The following C1QBP variants were observed in gnomAD, a reference collection of about 807,000 sequenced individuals.
The protein encoded by C1QBP is complement component 1 Q subcomponent-binding protein, mitochondrial.
A neutral mutation model predicts 29.4 loss-of-function variants in C1QBP; 24 were observed. That is an observed-to-expected ratio of 0.82 (90% CI 0.59 to 1.15). The LOEUF is 1.15. Ranked by LOEUF, C1QBP falls within the 50% of genes most tolerant of loss-of-function variation. The pLI, the probability that C1QBP is intolerant of heterozygous loss-of-function variation, is 0.00. For synonymous variants in C1QBP, 182 were observed against 149.2 expected (o/e 1.22, Z -1.60); for missense variants, 337 against 355.8 (o/e 0.95, Z 0.43).
rs147800985 is a variant in C1QBP at position 5,433,727 on chromosome 17, A to T, written c.518T>A (p.Ile173Lys). The change falls in exon 4 of 6, where the codon ATA (isoleucine) becomes AAA (lysine). Residue 173 changes from isoleucine to lysine, a missense_variant. Transcript: ENST00000225698. ...GGCCTTCTTGCCATCATCATTCTTT[A>T]TAACTTCAACCACGAAATTGGGAGT... Reference protein sequence around the residue: ...TSTPNFVVEVIKNDDGKKALV... With the variant: ...TSTPNFVVEVKKNDDGKKALV... 2.5e-4 allele frequency: 407 copies of T among 1,614,104 alleles called. 1 individual carries two copies. The highest frequency in any genetic ancestry group is 5.0e-5 in the Admixed American group (3 of 60,008).
In C1QBP at chr17:5,439,054, C is replaced by T. The variant is rs1218176517; in HGVS notation, c.20G>A (p.Cys7Tyr). 19 of 1,532,620 alleles carry T rather than the reference C, an allele frequency of 1.2e-5. No individual in the cohort carries two copies. The highest frequency in any genetic ancestry group is 1.7e-5 in the Non-Finnish European group (19 of 1,140,160). The allele number at this position is 1,532,620 out of a possible 1,614,324, so 94.9% of individuals were successfully genotyped here. ...GGAGGAGCCCAGCACACGGGGCACGCAGCGCAGCAGAGGCAGCATCGCGGA... is the reference window on the plus strand; with the variant it reads ...GGAGGAGCCCAGCACACGGGGCACGTAGCGCAGCAGAGGCAGCATCGCGGA... MLPLLR[C>Y]VPRVLGSSVA... Residue 7 changes from cysteine to tyrosine, a missense_variant, in exon 1 of 6, where the codon TGC becomes TAC. By Grantham distance (194) the Cys-to-Tyr change is radical. Coordinates refer to ENST00000225698, the MANE Select transcript of C1QBP (RefSeq NM_001212.4).
chr17:5,439,126 CGCCCCGCGACCTGAGGCGCCGCCGGAA>C lies in C1QBP; in HGVS notation c.-80_-54del. ...ATGCAAAGGACAACCCAGGCCTAGG[CGCCCCGCGACCTGAGGCGCCGCCGGAA>C]GCCCCGCCCCTGCCCGGAAGCGCTT... On this transcript the variant is annotated 5_prime_UTR_variant, in exon 1 of 6. Coordinates refer to ENST00000225698, the MANE Select transcript of C1QBP (RefSeq NM_001212.4). 2.0e-6 allele frequency: 3 copies of C among 1,532,880 alleles called. No homozygotes were observed. In the South Asian group the frequency reaches 3.6e-5, roughly 18 times the overall value. The allele number at this position is 1,532,880 out of a possible 1,614,324, so 95.0% of individuals were successfully genotyped here.
At chr17:5,437,777 C>A (rs952369765) in intron 2 of C1QBP, among the ~76,000 whole-genome samples, 1 of 152,168 alleles carries the variant, frequency 6.6e-6, no homozygotes, top group Non-Finnish European at 1.5e-5. Flanking sequence ...ACAGTGTAAC[C>A]CCATCCTGTT....
intron 3 of C1QBP, chr17:5,433,984 T>C (rs995884350): frequency 1.7e-6 from 1 of 587,138 alleles, no homozygotes; most frequent in Non-Finnish European, 3.0e-6. Flanking sequence ...AGTTAAGAAA[T>C]GTGGATACCA....
chr17:5,437,304 A>G (rs1386976685), intron 2 of C1QBP, among the ~76,000 whole-genome samples: 2 of 152,228 alleles, frequency 1.3e-5, no homozygotes. Flanking sequence ...AAAATTACAT[A>G]CACATCATAA....
chr17:5,438,163 C>G lies in C1QBP; in HGVS notation c.343G>C (p.Gly115Arg). 6.2e-7 allele frequency: 1 copy of G among 1,613,110 alleles called. No homozygotes were observed. The highest frequency in any genetic ancestry group is 1.1e-5 in the South Asian group (1 of 91,048). ...TTCCGCACTAATTTCGCTTCTGTCC[C>G]ATTCAGTTCCAGCTCCCAACCTCCA... ...MSGGWELELN[G>R]TEAKLVRKVA... Residue 115 changes from glycine (G) to arginine (R), a missense_variant, in exon 2 of 6, where the codon GGG becomes CGG. Gly to Arg is a moderately radical substitution (Grantham distance 125, BLOSUM62 -2). Coordinates refer to ENST00000225698, the MANE Select transcript of C1QBP (RefSeq NM_001212.4).
chr17:5,434,131 A>C (rs1347890456), intron 3 of C1QBP: 4 of 227,602 alleles, frequency 1.8e-5, no homozygotes, highest in Non-Finnish European at 3.5e-5. Flanking sequence ...GAGTCTTCAT[A>C]AGGGACCAGG....
intron 3 of C1QBP, 119 bp from the exon 4 acceptor site, chr17:5,433,886 A>C: frequency 1.1e-6 from 1 of 877,444 alleles, no homozygotes; most frequent in East Asian, 2.4e-5. Context: ...AGCCATTTGA[A>C]TAGTCTTATG....
At chr17:5,438,426 AC>A in intron 1 of C1QBP, 153 bp from the exon 2 acceptor site, 1 of 1,006,600 alleles carries the variant, frequency 9.9e-7, no homozygotes, top group African/African-American at 1.6e-5. Context: ...CGGTAAAAAT[AC>A]CATAATAGTA....
intron 3 of C1QBP, chr17:5,434,056 C>T (rs527304295): frequency 2.3e-6 from 1 of 435,736 alleles, no homozygotes; most frequent in East Asian, 4.9e-5. Flanking sequence ...AAGCCTTTTC[C>T]TCCACCCGTA....
chr17:5,437,664 G>C (rs1489059203), intron 2 of C1QBP, among the ~76,000 whole-genome samples: 2 of 152,004 alleles, frequency 1.3e-5, no homozygotes, highest in African/African-American at 4.8e-5. Flanking sequence ...TGAGATTATG[G>C]ATGACTATAA....
At chr17:5,438,632 G>T in intron 1 of C1QBP, 2 of 1,016,682 alleles carry the variant, frequency 2.0e-6, no homozygotes, top group Non-Finnish European at 2.8e-6. Context: ...AGGTACCCTA[G>T]TATTTAATTT....
At chr17:5,434,778 T>C (rs909158077) in intron 3 of C1QBP, 95 bp downstream of exon 3, 1 of 1,175,436 alleles carries the variant, frequency 8.5e-7, no homozygotes, top group African/African-American at 1.5e-5. Flanking sequence ...GAGGAATTTT[T>C]TTTTTTTGAA....
intron 2 of C1QBP, 26 bp from the exon 3 acceptor site, chr17:5,434,992 AGGC>A (rs1916232782): frequency 1.1e-6 from 1 of 912,088 alleles, no homozygotes; most frequent in African/African-American, 1.7e-5. Context: ...AAAACAGACA[AGGC>A]AAAACAGACA....
At chr17:5,434,277 CAG>C (rs950386086) in intron 3 of C1QBP, among the ~76,000 whole-genome samples, 2 of 152,140 alleles carry the variant, frequency 1.3e-5, no homozygotes, top group African/African-American at 4.8e-5. Flanking sequence ...AGCAGCACAC[CAG>C]AGAGCTGCGC....
At chr17:5,435,079 A>G (rs1471617929) in intron 2 of C1QBP, 113 bp from the exon 3 acceptor site, 2 of 927,450 alleles carry the variant, frequency 2.2e-6, no homozygotes, top group African/African-American at 1.6e-5. Flanking sequence ...GTATTGAAAC[A>G]ATGTCTCTGT....
At chr17:5,438,590 G>A (rs1441961196) in intron 1 of C1QBP, 3 of 803,560 alleles carry the variant, frequency 3.7e-6, no homozygotes, top group South Asian at 3.8e-5. Flanking sequence ...CTTCCCAAAG[G>A]TCCACTTTCG....
intron 2 of C1QBP, among the ~76,000 whole-genome samples, chr17:5,435,292 G>A (rs1687903549): frequency 1.3e-5 from 2 of 152,214 alleles, no homozygotes; most frequent in Non-Finnish European, 2.9e-5. Flanking sequence ...GCCATGTGCT[G>A]ACTGGGCATC....
chr17:5,436,797 A>C (rs1916284893), intron 2 of C1QBP, among the ~76,000 whole-genome samples: 1 of 152,182 alleles, frequency 6.6e-6, no homozygotes, highest in African/African-American at 2.4e-5. Context: ...AGGCGGGCGG[A>C]TCACGAGGTC....
Sources: gnomAD v4.1 joint callset for allele counts (sites outside exome capture counted in the v4.1 genomes callset) on GRCh38, gnomAD v4.1.1 for gene constraint, MANE v1.5 for transcripts, NCBI Gene and HGNC (gene_info 2026-07-23, HGNC 2026-07-21) for gene names.